ADH7: variants seen among roughly 807,000 people sequenced by gnomAD.
ADH7 encodes alcohol dehydrogenase 7 (class IV), mu or sigma polypeptide.
ADH7 carries 41 observed loss-of-function variants against 34.4 expected under a neutral mutation model. The observed-to-expected ratio is 1.19, with a 90% CI of 0.93 to 1.55. ADH7 has a LOEUF of 1.55. Ranked by LOEUF, ADH7 falls within the 40% of genes most tolerant of loss-of-function variation. ADH7 has a pLI of 0.00. For missense variants in ADH7, 540 were observed against 461.2 expected (o/e 1.17, Z -1.56); for synonymous variants, 180 against 160.9 (o/e 1.12, Z -0.90).
At chr4:99,422,293 T>C (rs1211990705) in intron 5 of ADH7, among the ~76,000 whole-genome samples, 1 of 152,176 alleles carries the variant, frequency 6.6e-6, no homozygotes, top group Non-Finnish European at 1.5e-5. Context: ...GAAAATGTAG[T>C]ACATATACAC....
Position 99,429,460 on chromosome 4 carries a change from C to G in ADH7, c.120+72G>C, listed in dbSNP as rs1199329902. 4 of 1,081,926 alleles carry G rather than the reference C, an allele frequency of 3.7e-6. No individual in the cohort carries two copies. In the African/African-American group the frequency reaches 4.7e-5, roughly 13 times the overall value. The allele number at this position is 1,081,926 out of a possible 1,614,324, so 67.0% of individuals were successfully genotyped here. On this transcript the variant is annotated intron_variant, in intron 2 of 8. Coordinates refer to ENST00000437033, the MANE Select transcript of ADH7 (RefSeq NM_000673.7). Reference sequence around the variant, plus strand: ...GCATCTCCTTATTTAAGAATCCAGCCTCACAACAGTGCTATATTCAATATA... The same window carrying G: ...GCATCTCCTTATTTAAGAATCCAGCGTCACAACAGTGCTATATTCAATATA...
intron 8 of ADH7, among the ~76,000 whole-genome samples, chr4:99,414,593 C>A (rs1489202279): frequency 6.6e-6 from 1 of 152,102 alleles, no homozygotes; most frequent in Non-Finnish European, 1.5e-5. Context: ...CATGTTTACC[C>A]AAAGCTTGCC....
chr4:99,434,908 C>T (rs1311248954), intron 1 of ADH7: 5 of 857,088 alleles, frequency 5.8e-6, no homozygotes, highest in Non-Finnish European at 9.1e-6. Flanking sequence ...AAACATTTGG[C>T]TTCCTGGAGC....
chr4:99,429,485 A>C (rs1461267489), intron 2 of ADH7, 47 bp downstream of exon 2: 27 of 1,388,864 alleles, frequency 1.9e-5, no homozygotes, highest in Non-Finnish European at 2.6e-5. Context: ...TATTCAATAT[A>C]AGTTTGATAA....
In ADH7 at chr4:99,415,585, T is replaced by C. The variant is rs773224342; in HGVS notation, c.993A>G (p.Leu331=). ...ATTTCTTTGCCAGGAACTCAGTCAC[T>C]AGTTTTGGGACATCATCTCTGCTTT... is the stretch of plus-strand genomic sequence containing the variant. ...GLKSRDDVPK[L]VTEFLAKKFD... is the part of the protein sequence containing the mutation. The change falls in exon 8 of 9, where the codon CTA becomes CTG. Residue 331 remains leucine, a synonymous_variant. Coordinates refer to ENST00000437033, the MANE Select transcript of ADH7 (RefSeq NM_000673.7). 4.3e-6 allele frequency: 7 copies of C among 1,613,592 alleles called. No homozygotes were observed. In the Admixed American group the frequency reaches 1.2e-4, roughly 27 times the overall value.
At chr4:99,426,499 G>T (rs1309605082) in intron 5 of ADH7, among the ~76,000 whole-genome samples, 1 of 152,126 alleles carries the variant, frequency 6.6e-6, no homozygotes, top group Non-Finnish European at 1.5e-5. Context: ...ACCCTCCCAA[G>T]ACTAAACCAG....
rs944055541 is a variant in ADH7 at position 99,413,034 on chromosome 4, A to G, written c.*114T>C. The G allele has an allele frequency of 4.4e-6, 5 of 1,142,478 alleles. No individual in the cohort carries two copies. The highest frequency in any genetic ancestry group is 3.1e-5 in the African/African-American group (2 of 64,192). The allele number at this position is 1,142,478 out of a possible 1,614,324, so 70.8% of individuals were successfully genotyped here. A position where few individuals can be genotyped will look rare whatever the true frequency, so the allele number is the denominator to read the frequency against. ...TATAAGGGTTCTATGTCTTCAACAA[A>G]TCTTCTACTTATGCTTGTATTTGTG... On this transcript the variant is annotated 3_prime_UTR_variant, in exon 9 of 9. Transcript: ENST00000437033.
In ADH7 at chr4:99,424,230, T is replaced by C. The variant is rs866415576; in HGVS notation, c.565-3437A>G. Among the ~76,000 whole-genome samples the C allele has an allele frequency of 4.3e-4, 65 of 152,360 alleles. No homozygotes were observed. In the Middle Eastern group the frequency reaches 0.01, roughly 24 times the overall value. On this transcript the variant is annotated intron_variant, in intron 5 of 8. Coordinates refer to ENST00000437033, the MANE Select transcript of ADH7 (RefSeq NM_000673.7). ...TTCTGAGGGCTCTGATCTGTTCCAT[T>C]GATCTACATCTCTGTTTTGGTACCA... is the stretch of plus-strand genomic sequence containing the variant.
chr4:99,434,886 G>A, intron 1 of ADH7: 1 of 687,908 alleles, frequency 1.5e-6, no homozygotes, highest in Non-Finnish European at 2.5e-6. Flanking sequence ...GACGATTGAA[G>A]TGTCCTTGTG....
At chr4:99,429,147 A>G (rs2110140061) in intron 2 of ADH7, among the ~76,000 whole-genome samples, 1 of 152,338 alleles carries the variant, frequency 6.6e-6, no homozygotes, top group Admixed American at 6.5e-5. Flanking sequence ...CGTTCCACGA[A>G]GTTGTCATTT....
intron 5 of ADH7, among the ~76,000 whole-genome samples, chr4:99,423,269 G>A (rs1721713858): frequency 6.7e-6 from 1 of 148,996 alleles, no homozygotes. Flanking sequence ...TCTTAATCCA[G>A]TCTATCATTG....
At chr4:99,417,637 A>G (rs1579572140) in intron 7 of ADH7, among the ~76,000 whole-genome samples, 1 of 152,032 alleles carries the variant, frequency 6.6e-6, no homozygotes, top group East Asian at 1.9e-4. Context: ...AAGTGAGAGG[A>G]TTCTCACACT....
chr4:99,415,618 T>A lies in ADH7; in HGVS notation c.962-2A>T. On this transcript the variant is annotated splice_acceptor_variant, in intron 7 of 8. Transcript: ENST00000437033. LOFTEE classifies it high-confidence loss of function. ...GGACATCATCTCTGCTTTTCAAACC[T>A]GCAAATAAGCACACATTTTCTCTTT... 6.2e-7 allele frequency: 1 copy of A among 1,611,914 alleles called. No individual in the cohort carries two copies. The highest frequency in any genetic ancestry group is 1.3e-5 in the African/African-American group (1 of 74,956).
chr4:99,418,430 A>AG (rs1721571756), intron 7 of ADH7, among the ~76,000 whole-genome samples: 1 of 152,062 alleles, frequency 6.6e-6, no homozygotes, highest in Admixed American at 6.6e-5. Context: ...TTTGTGAAGG[A>AG]GGGAAAAAAA....
At position 99,420,794 on chromosome 4, in the gene ADH7, C is replaced by A; in HGVS notation, c.565-1G>T. The A allele has an allele frequency of 5.0e-6, 8 of 1,613,620 alleles. No individual in the cohort carries two copies. Among genetic ancestry groups the A allele is most frequent in the Non-Finnish European group, 6.8e-6 (8 of 1,179,802 alleles). Reference sequence around the variant, plus strand: ...CGACGCAAGTGGAACCAGGTTTGACCTGTGGAGAGGAATGTTCTTGAACAT... The same window carrying A: ...CGACGCAAGTGGAACCAGGTTTGACATGTGGAGAGGAATGTTCTTGAACAT... On this transcript the variant is annotated splice_acceptor_variant, in intron 5 of 8. Transcript: ENST00000437033. LOFTEE classifies it high-confidence loss of function.
intron 7 of ADH7, among the ~76,000 whole-genome samples, chr4:99,416,577 C>T (rs1328784731): frequency 6.6e-6 from 1 of 152,166 alleles, no homozygotes; most frequent in Non-Finnish European, 1.5e-5. Flanking sequence ...TTGCTGGGTC[C>T]TCTACATCTC....
At chr4:99,422,562 C>A (rs977164391) in intron 5 of ADH7, among the ~76,000 whole-genome samples, 2 of 152,052 alleles carry the variant, frequency 1.3e-5, no homozygotes, top group African/African-American at 2.4e-5. Context: ...AGCAAACCAC[C>A]ATGGCGCACG....
Position 99,418,974 on chromosome 4 carries a change from T to C in ADH7, c.961+12A>G. On this transcript the variant is annotated intron_variant, in intron 7 of 8. Transcript: ENST00000437033. ...GCCATCACTCCCCATCCAGAGGCTT[T>C]GCTTTCCTGACCTCCAAAGACACAT... 6.2e-7 allele frequency: 1 copy of C among 1,613,128 alleles called. No individual in the cohort carries two copies. The highest frequency in any genetic ancestry group is 8.5e-7 in the Non-Finnish European group (1 of 1,179,486).
chr4:99,432,005 A>G (rs1408979949), intron 1 of ADH7, among the ~76,000 whole-genome samples: 1 of 152,182 alleles, frequency 6.6e-6, no homozygotes, highest in Non-Finnish European at 1.5e-5. Flanking sequence ...TACCATAAAG[A>G]CATATGCATG....
Sources: allele counts gnomAD v4.1 joint callset (sites outside exome capture counted in the v4.1 genomes callset), GRCh38; gene constraint gnomAD v4.1.1; transcripts MANE v1.5; gene names NCBI Gene and HGNC (gene_info 2026-07-23, HGNC 2026-07-21).